MAST2: variants seen among roughly 807,000 people sequenced by gnomAD.
MAST2 encodes microtubule associated serine/threonine kinase 2.
A neutral mutation model predicts 147.4 loss-of-function variants in MAST2; 70 were observed. The observed-to-expected ratio is 0.47, with a 90% CI of 0.39 to 0.58. The LOEUF (loss-of-function observed/expected upper bound fraction) is 0.58, where lower values mean the gene tolerates loss of function less well. Among genes scored for constraint, MAST2 ranks in the 20% least tolerant of loss-of-function variants. The probability of loss-of-function intolerance (pLI) is 0.00; values close to 1 mark genes in which losing one functional copy is unlikely to be tolerated. For missense variants in MAST2, 2,080 were observed against 2,302.3 expected (o/e 0.90, Z 1.98); for synonymous variants, 869 against 896.8 (o/e 0.97, Z 0.55).
At chr1:45,937,612 T>G (rs896281535) in intron 4 of MAST2, among the ~76,000 whole-genome samples, 9 of 151,554 alleles carry the variant, frequency 5.9e-5, no homozygotes, top group Non-Finnish European at 1.5e-5. Context: ...ATTAGCCGGG[T>G]GTAGTGTCGC....
chr1:45,817,559 TC>T (rs1427644532), intron 1 of MAST2, among the ~76,000 whole-genome samples: 2 of 152,142 alleles, frequency 1.3e-5, no homozygotes, highest in African/African-American at 2.4e-5. Flanking sequence ...ACCAGACCTG[TC>T]CCACACAAAT....
chr1:45,853,707 GTACAATC>G (rs984069659), intron 3 of MAST2, among the ~76,000 whole-genome samples: 5 of 151,522 alleles, frequency 3.3e-5, no homozygotes, highest in Non-Finnish European at 7.4e-5. Context: ...ACCTTTATGT[GTACAATC>G]TCTTTTTTTT....
chr1:45,956,460 A>C (rs1418098769), intron 4 of MAST2, among the ~76,000 whole-genome samples: 1 of 152,072 alleles, frequency 6.6e-6, no homozygotes, highest in African/African-American at 2.4e-5. Flanking sequence ...TGAAAGGATT[A>C]TTTTTTCACA....
intron 3 of MAST2, among the ~76,000 whole-genome samples, chr1:45,848,643 G>A (rs1451876831): frequency 6.6e-6 from 1 of 152,156 alleles, no homozygotes; most frequent in African/African-American, 2.4e-5. Flanking sequence ...AGTACTCCTG[G>A]AGGATCATGG....
rs1232714401 is a variant in MAST2, at chr1:46,031,790, G to A, written c.3187+205G>A. 3.3e-5 allele frequency among the ~76,000 whole-genome samples: 5 copies of A among 152,172 alleles called. No individual in the cohort carries two copies. In the South Asian group the frequency reaches 1.0e-3, roughly 32 times the overall value. On this transcript the variant is annotated intron_variant, in intron 24 of 28. Coordinates refer to ENST00000361297, the MANE Select transcript of MAST2 (RefSeq NM_015112.3). This position sits in a 1 kb window ranked among gnomAD's most constrained non-coding sequence, Gnocchi z 4.1. ...GCACCATGTCACAAGTGCAGGCTTT[G>A]GGGTAGAGAGCTCACACTCAAATCC...
At chr1:45,991,281 C>T (rs1644846733) in intron 5 of MAST2, among the ~76,000 whole-genome samples, 1 of 152,184 alleles carries the variant, frequency 6.6e-6, no homozygotes, top group South Asian at 2.1e-4. Flanking sequence ...TTGTCTTGAT[C>T]ACTATAGCTT....
At chr1:45,892,354 T>C (rs1488156232) in intron 4 of MAST2, among the ~76,000 whole-genome samples, 1 of 152,224 alleles carries the variant, frequency 6.6e-6, no homozygotes, top group Non-Finnish European at 1.5e-5. Context: ...TTAAGAGTTA[T>C]AGATAGCCTA....
At chr1:46,028,698 C>G (rs2149322682) in intron 17 of MAST2, 70 bp from the exon 18 acceptor site, 1 of 1,504,974 alleles carries the variant, frequency 6.6e-7, no homozygotes, top group South Asian at 1.1e-5. Flanking sequence ...TGGGAGCATC[C>G]CCCATCTCCG....
intron 4 of MAST2, among the ~76,000 whole-genome samples, chr1:45,951,601 T>TA (rs1658942295): frequency 6.6e-6 from 1 of 151,538 alleles, no homozygotes; most frequent in African/African-American, 2.4e-5. Context: ...CAAAAAAGAA[T>TA]ATAAAAGAAG....
chr1:45,965,076 G>C (rs1422151242), intron 5 of MAST2, among the ~76,000 whole-genome samples: 9 of 152,132 alleles, frequency 5.9e-5, no homozygotes, highest in South Asian at 2.1e-4. Context: ...GCACTGTGGT[G>C]TGAGAGACAG....
intron 4 of MAST2, among the ~76,000 whole-genome samples, chr1:45,945,400 A>G (rs1657878176): frequency 1.3e-5 from 2 of 152,246 alleles, no homozygotes; most frequent in South Asian, 2.1e-4. Flanking sequence ...TAATAAAAAG[A>G]TAAAACAACA....
intron 4 of MAST2, among the ~76,000 whole-genome samples, chr1:45,921,641 A>G (rs1653507984): frequency 6.6e-6 from 1 of 152,170 alleles, no homozygotes; most frequent in Non-Finnish European, 1.5e-5. Flanking sequence ...GCGCCACGCA[A>G]GCAACTTCCA....
chr1:45,857,360 C>A (rs1645823150), intron 3 of MAST2, among the ~76,000 whole-genome samples: 1 of 152,182 alleles, frequency 6.6e-6, no homozygotes, highest in Non-Finnish European at 1.5e-5. Context: ...GCAGGAAAGT[C>A]ATTGTCCTTT....
At position 46,012,695 on chromosome 1, in the gene MAST2, C is replaced by T. The variant is rs1645763850; in HGVS notation, c.1188+1756C>T. On this transcript the variant is annotated intron_variant, in intron 10 of 28. Transcript: ENST00000361297. ...GTAGGAGTTCACTGAAGCTAGAAAA[C>T]AGCATAAACAACCTTTTGCTTGGGC... 1.3e-5 allele frequency among the ~76,000 whole-genome samples: 2 copies of T among 152,052 alleles called. 1 individual carries two copies. The highest frequency in any genetic ancestry group is 4.1e-4 in the South Asian group (2 of 4,826).
rs199716743 is a variant in MAST2 at position 45,962,943 on chromosome 1, C to T, written c.592+3466C>T. Among the ~76,000 whole-genome samples the T allele has an allele frequency of 7.5e-3, 1,135 of 152,102 alleles. 17 individuals carry two copies. The highest frequency in any genetic ancestry group is 0.026 in the African/African-American group (1,063 of 41,484). On this transcript the variant is annotated intron_variant, in intron 5 of 28. Coordinates refer to ENST00000361297, the MANE Select transcript of MAST2 (RefSeq NM_015112.3). The stretch of plus-strand genomic sequence containing the variant: ...TCCATCTTGAATTAATTTTTGTATA[C>T]GGTGTAAGGAAGGGATCCAGTTTCA...
chr1:46,034,856 C>T lies in MAST2; in HGVS notation c.4187C>T (p.Pro1396Leu). The T allele has an allele frequency of 6.2e-7, 1 of 1,614,232 alleles. No homozygotes were observed. Among genetic ancestry groups the T allele is most frequent in the Admixed American group, 1.7e-5 (1 of 60,030 alleles). The change falls in exon 29 of 29, where the codon CCA (proline) becomes CTA (leucine). Residue 1396 changes from proline (P) to leucine (L), a missense_variant. Pro to Leu is a moderately conservative substitution (Grantham distance 98, BLOSUM62 -3). This residue lies in a region of MAST2 where 1,278 missense variants were observed against 1,304.2 expected (regional missense o/e 0.98). Transcript: ENST00000361297. ...CTCTCACGGCCCAAGAGTGCGGAGC[C>T]ACCCCGTTCACCACTACTCAAGAGG... ...RQLSRPKSAEPPRSPLLKRVQ... is the reference protein window; with the variant it reads ...RQLSRPKSAELPRSPLLKRVQ...
In MAST2 at chr1:45,803,730, G is replaced by C. The variant is rs1469612760; in HGVS notation, c.-166G>C. 1 of 351,272 alleles carries C rather than the reference G, an allele frequency of 2.8e-6. No individual in the cohort carries two copies. Among genetic ancestry groups the C allele is most frequent in the Non-Finnish European group, 5.1e-6 (1 of 197,024 alleles). The allele number at this position is 351,272 out of a possible 1,614,324, so 21.8% of individuals were successfully genotyped here. ...GAGCGCAGAGGAGGTCGCGGCGCCG[G>C]AGGCCCCAGAAGGCTCGAAGGCGCC... On this transcript the variant is annotated 5_prime_UTR_variant, in exon 1 of 29. Transcript: ENST00000361297.
At chr1:45,959,114 G>A (rs1288513817) in intron 4 of MAST2, among the ~76,000 whole-genome samples, 1 of 152,108 alleles carries the variant, frequency 6.6e-6, no homozygotes, top group Non-Finnish European at 1.5e-5. Context: ...GGAGCTCCTT[G>A]TGTTTGCTTG....
chr1:45,875,053 G>A (rs1009204057), intron 3 of MAST2, among the ~76,000 whole-genome samples: 17 of 152,234 alleles, frequency 1.1e-4, no homozygotes, highest in Non-Finnish European at 2.2e-4. Context: ...TGATACTGAG[G>A]AGGGAGGCAG....
Sources: gnomAD v4.1 joint callset for allele counts (sites outside exome capture counted in the v4.1 genomes callset) on GRCh38, gnomAD v4.1.1 for gene constraint, gnomAD v4.1.1 regional missense constraint, Gnocchi (gnomAD v3.1) non-coding constraint, MANE v1.5 for transcripts, NCBI Gene and HGNC (gene_info 2026-07-23, HGNC 2026-07-21) for gene names.